LRRC37A2: variants seen among roughly 807,000 people sequenced by gnomAD.
LRRC37A2 encodes the protein leucine rich repeat containing 37 member A2.
LRRC37A2 carries 9 observed loss-of-function variants against 68.8 expected under a neutral mutation model. The observed-to-expected ratio is 0.13, with a 90% CI of 0.08 to 0.23. The LOEUF is 0.23. Among genes scored for constraint, LRRC37A2 ranks in the 10% least tolerant of loss-of-function variants. The pLI, the probability that LRRC37A2 is intolerant of heterozygous loss-of-function variation, is 1.00. For missense variants in LRRC37A2, 168 were observed against 950.4 expected (o/e 0.18, Z 10.82); for synonymous variants, 63 against 367.6 (o/e 0.17, Z 9.48).
the LRRC37A2 span, among the ~76,000 whole-genome samples, chr17:46,806,686 A>C: frequency 6.6e-6 from 1 of 152,264 alleles, no homozygotes; most frequent in Non-Finnish European, 1.5e-5. Flanking sequence ...CTGAGGCTAG[A>C]CATTCTCTCC....
At chr17:46,993,921 A>G in the LRRC37A2 span, among the ~76,000 whole-genome samples, 2 of 152,244 alleles carry the variant, frequency 1.3e-5, no homozygotes, top group Non-Finnish European at 2.9e-5. Flanking sequence ...CAGCTGGTCC[A>G]TGGCAGGTGC....
the LRRC37A2 span, among the ~76,000 whole-genome samples, chr17:46,489,230 C>T: frequency 3.5e-4 from 29 of 83,206 alleles, 4 homozygotes; most frequent in African/African-American, 1.4e-3. Flanking sequence ...CTCCATCTCC[C>T]GGGTTCAAGC....
At chr17:46,635,777 ATGTGTGTGTGTGTGTGTG>A in the LRRC37A2 span, among the ~76,000 whole-genome samples, 5 of 116,702 alleles carry the variant, frequency 4.3e-5, 1 homozygote, top group Non-Finnish European at 5.7e-5. Context: ...GGGAAAATAA[ATGTGTGTGTGTGTGTGTG>A]TGTGTGTGTG....
the LRRC37A2 span, among the ~76,000 whole-genome samples, chr17:46,788,002 C>T: frequency 6.6e-6 from 1 of 151,330 alleles, no homozygotes; most frequent in Non-Finnish European, 1.5e-5. Context: ...TCCTCAGTGA[C>T]CCCACCTCAG....
At chr17:46,771,098 C>G in the LRRC37A2 span, among the ~76,000 whole-genome samples, 1 of 152,298 alleles carries the variant, frequency 6.6e-6, no homozygotes, top group East Asian at 1.9e-4. Context: ...GAAGGAAGCC[C>G]GGGACCCCTC....
chr17:46,819,624 G>A, the LRRC37A2 span, among the ~76,000 whole-genome samples: 2 of 152,178 alleles, frequency 1.3e-5, no homozygotes, highest in South Asian at 4.1e-4. This position sits in a 1 kb window ranked among gnomAD's most constrained non-coding sequence, Gnocchi z 5.3. Flanking sequence ...CCTCCGGAGC[G>A]CCCCTCACTG....
At chr17:46,803,603 G>A in the LRRC37A2 span, among the ~76,000 whole-genome samples, 1 of 152,226 alleles carries the variant, frequency 6.6e-6, no homozygotes, top group Non-Finnish European at 1.5e-5. Context: ...CACCTAGAGG[G>A]CTAGGTTACC....
At chr17:46,916,615 G>A in the LRRC37A2 span, among the ~76,000 whole-genome samples, 32 of 152,196 alleles carry the variant, frequency 2.1e-4, 1 homozygote, top group Non-Finnish European at 8.8e-5. Flanking sequence ...TTTGAGTTAT[G>A]AAGCCAGTAT....
At chr17:46,769,890 C>A in the LRRC37A2 span, 1 of 1,613,510 alleles carries the variant, frequency 6.2e-7, no homozygotes, top group African/African-American at 1.3e-5. Context: ...AAGTCAGCGT[C>A]CTCGCTGCAG....
the LRRC37A2 span, among the ~76,000 whole-genome samples, chr17:46,965,620 G>T: frequency 2.6e-5 from 1 of 37,964 alleles, no homozygotes; most frequent in African/African-American, 6.5e-5. Flanking sequence ...GCAATGCTAT[G>T]CCTTCTCTTT....
the LRRC37A2 span, chr17:46,949,004 C>T: frequency 6.6e-6 from 1 of 152,228 alleles, no homozygotes; most frequent in Non-Finnish European, 1.5e-5. Flanking sequence ...ACAGACGTGA[C>T]CCACCTGCAT....
the LRRC37A2 span, among the ~76,000 whole-genome samples, chr17:46,866,222 A>G: frequency 1.3e-5 from 2 of 152,002 alleles, no homozygotes; most frequent in Non-Finnish European, 2.9e-5. Context: ...TTGAGCAGCC[A>G]CCCTCAAAAA....
the LRRC37A2 span, among the ~76,000 whole-genome samples, chr17:46,819,646 C>G: frequency 6.6e-6 from 1 of 152,190 alleles, no homozygotes; most frequent in Non-Finnish European, 1.5e-5. The surrounding 1 kb of genome is among the most constrained non-coding windows in gnomAD (Gnocchi z 5.3). Flanking sequence ...CCGACCGTCC[C>G]GCCTGAGGCC....
chr17:46,583,975 T>TTTTATATATATA, the LRRC37A2 span, among the ~76,000 whole-genome samples: 3 of 10,328 alleles, frequency 2.9e-4, no homozygotes, highest in Admixed American at 1.3e-3. Context: ...CGTATATGTT[T>TTTTATATATATA]TATATATATA....
At chr17:47,026,772 T>C in the LRRC37A2 span, among the ~76,000 whole-genome samples, 3 of 152,236 alleles carry the variant, frequency 2.0e-5, no homozygotes, top group Non-Finnish European at 4.4e-5. Flanking sequence ...ATGATTTGAA[T>C]TAGTTCAAAG....
the LRRC37A2 span, among the ~76,000 whole-genome samples, chr17:47,005,419 G>A: frequency 1.3e-5 from 2 of 152,050 alleles, no homozygotes; most frequent in African/African-American, 2.4e-5. Context: ...CTGTTTTTTC[G>A]TATGTAAAAG....
chr17:47,029,616 T>C, the LRRC37A2 span, among the ~76,000 whole-genome samples: 1 of 152,224 alleles, frequency 6.6e-6, no homozygotes, highest in African/African-American at 2.4e-5. Flanking sequence ...TGCTGATGCA[T>C]AACTTAGGAA....
At chr17:46,814,854 G>A in the LRRC37A2 span, among the ~76,000 whole-genome samples, 814 of 152,302 alleles carry the variant, frequency 5.3e-3, 12 homozygotes, top group African/African-American at 0.019. Flanking sequence ...TGACAGATGG[G>A]GAAACTGAGG....
chr17:46,999,039 C>G, the LRRC37A2 span, among the ~76,000 whole-genome samples: 4 of 152,216 alleles, frequency 2.6e-5, no homozygotes, highest in African/African-American at 9.6e-5. Context: ...TCTCTTGAAG[C>G]CTGACGAGTT....
Sources: allele counts gnomAD v4.1 joint callset (sites outside exome capture counted in the v4.1 genomes callset), GRCh38; gene constraint gnomAD v4.1.1; non-coding constraint Gnocchi (gnomAD v3.1); transcripts MANE v1.5; gene names NCBI Gene and HGNC (gene_info 2026-07-23, HGNC 2026-07-21).